The following CNTNAP3B variants were observed in gnomAD, a reference collection of about 807,000 sequenced individuals.
CNTNAP3B encodes contactin associated protein family member 3B, also known as contactin-associated protein-like 3B.
CNTNAP3B carries 25 observed loss-of-function variants against 108.9 expected under a neutral mutation model. The observed-to-expected ratio is 0.23, with a 90% CI of 0.17 to 0.32. The LOEUF is 0.32. Ranked by LOEUF, CNTNAP3B falls within the 10% of genes least tolerant of loss-of-function variation. The pLI is 1.00. For synonymous variants in CNTNAP3B, 103 were observed against 473.4 expected (o/e 0.22, Z 10.16); for missense variants, 252 against 1,210.4 (o/e 0.21, Z 11.75).
chr9:41,967,005 A>T (rs1472927803), intron 10 of CNTNAP3B, among the ~76,000 whole-genome samples: 1 of 150,024 alleles, frequency 6.7e-6, no homozygotes, highest in Non-Finnish European at 1.5e-5. Flanking sequence ...AAACATAAAC[A>T]TCCATTATTT....
At chr9:41,939,103 C>T (rs1375039289) in intron 13 of CNTNAP3B, among the ~76,000 whole-genome samples, 1 of 152,290 alleles carries the variant, frequency 6.6e-6, no homozygotes, top group Non-Finnish European at 1.5e-5. Flanking sequence ...ATCTATAGAA[C>T]TGCATATTAG....
At position 42,129,396 on chromosome 9, in the gene CNTNAP3B, G is replaced by A. The variant is rs1828643392; in HGVS notation, c.-302C>T. The A allele has an allele frequency of 3.2e-6, 1 of 309,864 alleles. No individual in the cohort carries two copies. Among genetic ancestry groups the A allele is most frequent in the Non-Finnish European group, 5.3e-6 (1 of 189,462 alleles). 19.2% of individuals were successfully genotyped at this position (309,864 alleles called of 1,614,324 possible). A position where few individuals can be genotyped will look rare whatever the true frequency, so the allele number is the denominator to read the frequency against. On this transcript the variant is annotated 5_prime_UTR_variant, in exon 1 of 24. Coordinates refer to ENST00000377561, the MANE Select transcript of CNTNAP3B (RefSeq NM_001201380.3). ...GGTTCAGGCGCGTCCCGGACACTAG[G>A]CGCGGGAGGCGGCCGGCACCAACGC...
chr9:42,116,582 A>G (rs1828322493), intron 1 of CNTNAP3B, among the ~76,000 whole-genome samples: 1 of 139,156 alleles, frequency 7.2e-6, no homozygotes, highest in Admixed American at 7.2e-5. Context: ...CCAAATTGTA[A>G]AGACCATCAA....
chr9:42,055,195 C>T (rs1435651079), intron 3 of CNTNAP3B, among the ~76,000 whole-genome samples: 2 of 138,338 alleles, frequency 1.4e-5, no homozygotes, highest in Non-Finnish European at 3.1e-5. Flanking sequence ...ATATCTACAT[C>T]CATTTTATAT....
At chr9:42,055,511 G>A (rs1382008150) in intron 3 of CNTNAP3B, among the ~76,000 whole-genome samples, 1 of 142,858 alleles carries the variant, frequency 7.0e-6, no homozygotes, top group Non-Finnish European at 1.5e-5. Flanking sequence ...TAAAATGTTA[G>A]TTAATCTCTT....
At chr9:41,952,383 C>T (rs1245594627) in intron 13 of CNTNAP3B, among the ~76,000 whole-genome samples, 41 of 152,282 alleles carry the variant, frequency 2.7e-4, no homozygotes, top group African/African-American at 9.9e-4. Flanking sequence ...GTGATCCTCC[C>T]GCCTATATAC....
In CNTNAP3B at chr9:42,129,110, G is replaced by T. The variant is rs760534244; in HGVS notation, c.-16C>A. On this transcript the variant is annotated 5_prime_UTR_variant, in exon 1 of 24. Coordinates refer to ENST00000377561, the MANE Select transcript of CNTNAP3B (RefSeq NM_001201380.3). ...CTGAAGCCATGCTCACTTCAGCCAG[G>T]CGCCCTGAGACCCGGGCACGGCGAC... 6 of 1,586,064 alleles carry T rather than the reference G, an allele frequency of 3.8e-6. No homozygotes were observed. Among genetic ancestry groups the T allele is most frequent in the Middle Eastern group, 2.3e-4 (1 of 4,408 alleles).
At chr9:41,915,688 A>G (rs1166531204) in intron 18 of CNTNAP3B, among the ~76,000 whole-genome samples, 2 of 145,796 alleles carry the variant, frequency 1.4e-5, no homozygotes, top group Non-Finnish European at 3.0e-5. Flanking sequence ...CAATCATGAA[A>G]GGTTACTGGA....
intron 2 of CNTNAP3B, among the ~76,000 whole-genome samples, chr9:42,087,606 GTGCCATGAGTAATATAGTTCACAGGTGT>G (rs1827732703): frequency 6.9e-6 from 1 of 144,398 alleles, no homozygotes; most frequent in Non-Finnish European, 1.5e-5. Context: ...GTTGTTTGTG[GTGCCATGAGTAATATAGTTCACAGGTGT>G]TGCCATTCTT....
At chr9:41,959,601 G>A (rs1247901379) in intron 12 of CNTNAP3B, among the ~76,000 whole-genome samples, 58 of 151,418 alleles carry the variant, frequency 3.8e-4, no homozygotes, top group African/African-American at 1.1e-3. Context: ...TGTTTGAGTC[G>A]GGATTTTGGA....
chr9:41,962,710 C>T (rs1935145168), intron 11 of CNTNAP3B, among the ~76,000 whole-genome samples: 1 of 148,654 alleles, frequency 6.7e-6, no homozygotes, highest in Non-Finnish European at 1.5e-5. Context: ...AATCCCAGCG[C>T]TTCGGGAGTC....
chr9:41,923,477 A>G (rs1299193071), intron 16 of CNTNAP3B, among the ~76,000 whole-genome samples: 2 of 152,218 alleles, frequency 1.3e-5, no homozygotes, highest in Non-Finnish European at 2.9e-5. Flanking sequence ...AAAAATGATT[A>G]CTGGCTGGGT....
chr9:41,956,134 C>G (rs2118169316), intron 12 of CNTNAP3B, among the ~76,000 whole-genome samples: 1 of 152,360 alleles, frequency 6.6e-6, no homozygotes, highest in South Asian at 2.1e-4. Flanking sequence ...CGCCTGTAAT[C>G]CCAGCACTTT....
At chr9:41,966,684 C>T (rs528728853) in intron 10 of CNTNAP3B, among the ~76,000 whole-genome samples, 2 of 152,390 alleles carry the variant, frequency 1.3e-5, no homozygotes, top group East Asian at 3.9e-4. Flanking sequence ...AAAACCTATC[C>T]TGGCTGGGTG....
chr9:41,934,491 G>T (rs1395131417), intron 14 of CNTNAP3B, among the ~76,000 whole-genome samples: 14 of 152,206 alleles, frequency 9.2e-5, no homozygotes, highest in Non-Finnish European at 1.8e-4. Context: ...AAAGTGCTGG[G>T]ATTACAGGCG....
At position 42,031,776 on chromosome 9, in the gene CNTNAP3B, G is replaced by C. The variant is rs1564178221; in HGVS notation, c.391-18251C>G. ...AATGTGATAAATGTAAAACATTTCA[G>C]ACAGCGCTTCACATGTAAACATTTA... On this transcript the variant is annotated intron_variant, in intron 3 of 23. Transcript: ENST00000377561. Among the ~76,000 whole-genome samples, 2 of 92,486 alleles carry C rather than the reference G, an allele frequency of 2.2e-5. 1 individual carries two copies. Among genetic ancestry groups the C allele is most frequent in the African/African-American group, 8.1e-5 (2 of 24,644 alleles). The allele number at this position is 92,486 out of a possible 152,430, so 60.7% of individuals were successfully genotyped here.
chr9:41,917,114 TA>T (rs1358382894), intron 18 of CNTNAP3B, among the ~76,000 whole-genome samples: 9 of 152,414 alleles, frequency 5.9e-5, no homozygotes, highest in African/African-American at 7.2e-5. Context: ...ATTTTTCAAA[TA>T]TTTTTTTCTG....
intron 11 of CNTNAP3B, among the ~76,000 whole-genome samples, chr9:41,962,494 T>C (rs1232417249): frequency 2.0e-5 from 3 of 150,430 alleles, no homozygotes; most frequent in African/African-American, 4.9e-5. Context: ...TGGTGGCAGA[T>C]ATAAATTTTC....
rs1330223730 is a variant in CNTNAP3B, at chr9:41,930,813, C to CCAAAA, written c.2238-1374_2238-1370dup. Among the ~76,000 whole-genome samples, 545 of 151,992 alleles carry CCAAAA rather than the reference C, an allele frequency of 3.6e-3. 1 individual carries two copies. Among genetic ancestry groups the CCAAAA allele is most frequent in the African/African-American group, 0.012 (509 of 41,286 alleles). On this transcript the variant is annotated intron_variant, in intron 14 of 23. Transcript: ENST00000377561. ...GCTATGCCACTAATTTTGTCTCTGG[C>CCAAAA]CAAAATAAAGGCATTTGTCTACTCT...
Sources: gnomAD v4.1 joint callset for allele counts (sites outside exome capture counted in the v4.1 genomes callset) on GRCh38, gnomAD v4.1.1 for gene constraint, MANE v1.5 for transcripts, NCBI Gene and HGNC (gene_info 2026-07-23, HGNC 2026-07-21) for gene names.